The following IL1RAPL2 variants were observed in gnomAD, a reference collection of about 807,000 sequenced individuals.
IL1RAPL2 encodes X-linked interleukin-1 receptor accessory protein-like 2.
A neutral mutation model predicts 44.1 loss-of-function variants in IL1RAPL2; 3 were observed. The ratio of observed to expected loss-of-function variants is 0.07; its 90% CI spans 0.03 to 0.18. IL1RAPL2 has a LOEUF of 0.18. Among genes scored for constraint, IL1RAPL2 ranks in the 10% least tolerant of loss-of-function variants. The pLI is 1.00. For synonymous variants in IL1RAPL2, 181 were observed against 178.8 expected, an observed-to-expected ratio of 1.01 and a Z score of -0.10; for missense variants, 391 against 496.4, an observed-to-expected ratio of 0.79 and a Z score of 2.02.
chrX:105,443,828 A>G (rs2035936725), intron 5 of IL1RAPL2, among the ~76,000 whole-genome samples: 1 of 109,964 alleles, frequency 9.1e-6, no homozygotes, highest in Non-Finnish European at 1.9e-5. Flanking sequence ...TCCTTCATAT[A>G]CTGATTTCCT....
chrX:105,119,470 A>G (rs781739590), intron 2 of IL1RAPL2, among the ~76,000 whole-genome samples: 26 of 111,315 alleles, frequency 2.3e-4, no homozygotes, highest in Non-Finnish European at 3.4e-4. Context: ...CCTGCATTCT[A>G]CAAAATGGCT....
chrX:104,901,661 T>C (rs896387469), intron 2 of IL1RAPL2, among the ~76,000 whole-genome samples: 3 of 111,137 alleles, frequency 2.7e-5, no homozygotes, highest in African/African-American at 6.6e-5. Flanking sequence ...GTGAATCCCA[T>C]ATGGAAGAAA....
At chrX:105,508,161 T>G (rs373047220) in intron 6 of IL1RAPL2, among the ~76,000 whole-genome samples, 3 of 111,082 alleles carry the variant, frequency 2.7e-5, no homozygotes, top group East Asian at 5.7e-4. Flanking sequence ...AAACCCAGGA[T>G]CTCCCTGAGC....
chrX:105,408,466 A>G (rs970901372), intron 5 of IL1RAPL2, among the ~76,000 whole-genome samples: 25 of 110,507 alleles, frequency 2.3e-4, no homozygotes, highest in Non-Finnish European at 7.6e-5. Flanking sequence ...GGAGAATGAC[A>G]TATCTTTAGT....
intron 5 of IL1RAPL2, among the ~76,000 whole-genome samples, chrX:105,457,696 A>T (rs2036066649): frequency 9.2e-6 from 1 of 108,742 alleles, no homozygotes; most frequent in African/African-American, 3.3e-5. Flanking sequence ...TATATATATA[A>T]AACATTTTGG....
At chrX:104,585,555 T>C (rs768385620) in intron 1 of IL1RAPL2, among the ~76,000 whole-genome samples, 2 of 96,508 alleles carry the variant, frequency 2.1e-5, no homozygotes, top group South Asian at 1.0e-3. Context: ...GTGTTAAACC[T>C]AGTACCCATC....
chrX:105,178,515 G>A (rs914642866), intron 2 of IL1RAPL2, among the ~76,000 whole-genome samples: 4 of 111,840 alleles, frequency 3.6e-5, no homozygotes, highest in African/African-American at 1.3e-4. Context: ...AGATTGTATG[G>A]TAGCTCTGTT....
chrX:104,684,254 T>C (rs980762688), intron 2 of IL1RAPL2, among the ~76,000 whole-genome samples: 6 of 111,773 alleles, frequency 5.4e-5, no homozygotes, highest in Non-Finnish European at 1.1e-4. Flanking sequence ...TTGGATTTTG[T>C]TACTATTTAG....
intron 2 of IL1RAPL2, among the ~76,000 whole-genome samples, chrX:105,002,668 A>G (rs1302150850): frequency 9.1e-6 from 1 of 110,253 alleles, no homozygotes; most frequent in East Asian, 2.9e-4. Flanking sequence ...GTCAGTAGCC[A>G]TTATCCCAAC....
At chrX:105,237,215 A>G (rs925400439) in intron 4 of IL1RAPL2, among the ~76,000 whole-genome samples, 2 of 111,776 alleles carry the variant, frequency 1.8e-5, no homozygotes, top group African/African-American at 6.5e-5. Context: ...CATGGTGTAT[A>G]CCCACATTTT....
intron 2 of IL1RAPL2, among the ~76,000 whole-genome samples, chrX:104,838,808 CTCTTT>C (rs1292056089): frequency 9.6e-6 from 1 of 103,839 alleles, no homozygotes; most frequent in Non-Finnish European, 2.0e-5. Context: ...TGCCTCTTTT[CTCTTT>C]TCTTTTCTTC....
intron 5 of IL1RAPL2, among the ~76,000 whole-genome samples, chrX:105,327,068 G>T (rs181206046): frequency 8.9e-6 from 1 of 112,185 alleles, no homozygotes; most frequent in African/African-American, 3.2e-5. Context: ...TCAGTCTAAA[G>T]AAGGTTTAAC....
At chrX:105,041,432 C>T (rs866561617) in intron 2 of IL1RAPL2, among the ~76,000 whole-genome samples, 1 of 110,299 alleles carries the variant, frequency 9.1e-6, no homozygotes, top group Non-Finnish European at 1.9e-5. Flanking sequence ...CCTGGGTATC[C>T]TTGTTGACTT....
chrX:104,727,729 T>A (rs1017490949), intron 2 of IL1RAPL2, among the ~76,000 whole-genome samples: 2 of 111,110 alleles, frequency 1.8e-5, no homozygotes, highest in African/African-American at 6.5e-5. Flanking sequence ...TTGGTACATA[T>A]GCACCATGGA....
At chrX:105,338,975 C>A (rs199535459) in intron 5 of IL1RAPL2, among the ~76,000 whole-genome samples, 1 of 110,913 alleles carries the variant, frequency 9.0e-6, no homozygotes, top group Non-Finnish European at 1.9e-5. Flanking sequence ...TGGCGGTGTG[C>A]GCCTGTAATC....
At chrX:105,143,466 G>C (rs1158377988) in intron 2 of IL1RAPL2, among the ~76,000 whole-genome samples, 2 of 111,806 alleles carry the variant, frequency 1.8e-5, no homozygotes, top group Non-Finnish European at 3.8e-5. Flanking sequence ...AGAGGATGTG[G>C]AGAAATAGGA....
chrX:105,561,357 TA>T (rs1206652089), intron 6 of IL1RAPL2, among the ~76,000 whole-genome samples: 2 of 110,982 alleles, frequency 1.8e-5, no homozygotes, highest in Non-Finnish European at 3.8e-5. Context: ...AAGAAATCTT[TA>T]AAAAAAAATT....
intron 2 of IL1RAPL2, among the ~76,000 whole-genome samples, chrX:105,106,522 T>C (rs1350661987): frequency 1.8e-5 from 2 of 111,527 alleles, no homozygotes; most frequent in Admixed American, 9.6e-5. Context: ...ATATGAAATA[T>C]AGAATTGGAG....
chrX:104,757,411 T>C lies in IL1RAPL2; in HGVS notation c.82+98416T>C, dbSNP rs139453924. 9.9e-3 allele frequency among the ~76,000 whole-genome samples: 1,101 copies of C among 111,292 alleles called. 36 individuals carry two copies. The highest frequency in any genetic ancestry group is 0.075 in the Admixed American group (785 of 10,451). ...GTTGCCTATTAAACGTCTAAGAGAATTGTTGTATAGGCTTTAAATGTATGA... is the reference window on the plus strand; with the variant it reads ...GTTGCCTATTAAACGTCTAAGAGAACTGTTGTATAGGCTTTAAATGTATGA... On this transcript the variant is annotated intron_variant, in intron 2 of 10. Transcript: ENST00000372582.
Sources: gnomAD v4.1 joint callset for allele counts (sites outside exome capture counted in the v4.1 genomes callset) on GRCh38, gnomAD v4.1.1 for gene constraint, MANE v1.5 for transcripts, NCBI Gene and HGNC (gene_info 2026-07-23, HGNC 2026-07-21) for gene names.